ZC3H12D: variants seen among roughly 807,000 people sequenced by gnomAD.
ZC3H12D encodes the protein zinc finger CCCH-type containing 12D.
In ZC3H12D, 11 loss-of-function variants were observed where a neutral mutation model predicts 24.2. The ratio of observed to expected loss-of-function variants is 0.46; its 90% CI spans 0.29 to 0.75. ZC3H12D has a LOEUF of 0.75. ZC3H12D is among the 30% of genes least tolerant of loss of function. The pLI, the probability that ZC3H12D is intolerant of heterozygous loss-of-function variation, is 0.11. For synonymous variants in ZC3H12D, 333 were observed against 341.8 expected, an observed-to-expected ratio of 0.97 and a Z score of 0.28; for missense variants, 740 against 767.7, an observed-to-expected ratio of 0.96 and a Z score of 0.43.
chr6:149,468,764 G>A (rs1035369751), intron 2 of ZC3H12D, among the ~76,000 whole-genome samples: 1 of 152,074 alleles, frequency 6.6e-6, no homozygotes, highest in Non-Finnish European at 1.5e-5. Context: ...ACAGAGTCAG[G>A]GTCTCAGAAG....
In ZC3H12D at chr6:149,448,485, G is replaced by A. The variant is rs1775825838; in HGVS notation, c.*2198C>T. On this transcript the variant is annotated 3_prime_UTR_variant, in exon 6 of 6. Coordinates refer to ENST00000409806, the MANE Select transcript of ZC3H12D (RefSeq NM_207360.3). ...TTGAGCCTGGGAAGTCAAAGCTGCA[G>A]TGAGCCCTGATTGCACTACTGCACT... is the stretch of plus-strand genomic sequence containing the variant. The A allele has an allele frequency of 6.6e-6, 1 of 152,140 alleles. No homozygotes were observed. Among genetic ancestry groups the A allele is most frequent in the African/African-American group, 2.4e-5 (1 of 41,416 alleles). 9.4% of individuals were successfully genotyped at this position (152,140 alleles called of 1,614,324 possible). A position where few individuals can be genotyped will look rare whatever the true frequency, so the allele number is the denominator to read the frequency against.
At chr6:149,468,518 GGAGGAA>G (rs1435616615) in intron 2 of ZC3H12D, among the ~76,000 whole-genome samples, 2 of 152,248 alleles carry the variant, frequency 1.3e-5, no homozygotes, top group Non-Finnish European at 2.9e-5. Flanking sequence ...GCTATGGGCA[GGAGGAA>G]AGAGAGGAGC....
chr6:149,453,560 G>A (rs1366886130), intron 4 of ZC3H12D, among the ~76,000 whole-genome samples: 2 of 152,008 alleles, frequency 1.3e-5, no homozygotes, highest in Non-Finnish European at 2.9e-5. Flanking sequence ...CCCGGGAGGC[G>A]AAGGTTGCAG....
intron 3 of ZC3H12D, among the ~76,000 whole-genome samples, chr6:149,458,128 C>CTT (rs1189920889): frequency 0.025 from 999 of 39,786 alleles, 148 homozygotes; most frequent in East Asian, 0.068. Context: ...TTTTTCGTTT[C>CTT]TTTTTTTTTT....
Position 149,465,455 on chromosome 6 carries a change from G to A in ZC3H12D, c.306-3485C>T, listed in dbSNP as rs561372917. ...AGAAAATATCAACAGGGATATCTGT[G>A]GTCAAAAGGAAGAGGAAGGCCGGGT... On this transcript the variant is annotated intron_variant, in intron 2 of 5. Coordinates refer to ENST00000409806, the MANE Select transcript of ZC3H12D (RefSeq NM_207360.3). Among the ~76,000 whole-genome samples, 286 of 151,410 alleles carry A rather than the reference G, an allele frequency of 1.9e-3. 1 individual carries two copies. The highest frequency in any genetic ancestry group is 6.1e-3 in the Admixed American group (92 of 15,162).
At chr6:149,472,135 T>G (rs1338476126) in intron 2 of ZC3H12D, among the ~76,000 whole-genome samples, 1 of 152,074 alleles carries the variant, frequency 6.6e-6, no homozygotes, top group Non-Finnish European at 1.5e-5. Flanking sequence ...GGGACATGAG[T>G]CCTGTTAAAA....
Position 149,451,022 on chromosome 6 carries a change from G to A in ZC3H12D, c.1245C>T (p.Gly415=). ...PPPGLQLQPR[G]EHRPRDLHGD... is the part of the protein sequence containing the mutation. The stretch of plus-strand genomic sequence containing the variant: ...CGTGCAGGTCCCTAGGGCGGTGTTC[G>A]CCCCGCGGCTGGAGCTGCAGGCCGG... Residue 415 remains glycine (G), a synonymous_variant, in exon 6 of 6, where the codon GGC becomes GGT. Transcript: ENST00000409806. 1 of 1,446,866 alleles carries A rather than the reference G, an allele frequency of 6.9e-7. No individual in the cohort carries two copies. The highest frequency in any genetic ancestry group is 9.0e-7 in the Non-Finnish European group (1 of 1,106,014). 89.6% of individuals were successfully genotyped at this position (1,446,866 alleles called of 1,614,324 possible). A position where few individuals can be genotyped will look rare whatever the true frequency, so the allele number is the denominator to read the frequency against.
rs79459204 is a variant in ZC3H12D, at chr6:149,460,530, T to A, written c.445+1301A>T. On this transcript the variant is annotated intron_variant, in intron 3 of 5. Coordinates refer to ENST00000409806, the MANE Select transcript of ZC3H12D (RefSeq NM_207360.3). The stretch of plus-strand genomic sequence containing the variant: ...GAGCAACATGGTGAAACCCCATCTC[T>A]ACAAAAAACAAAAACTAGCTAGGGC... 3.4e-3 allele frequency among the ~76,000 whole-genome samples: 510 copies of A among 152,098 alleles called. 26 individuals carry two copies. The East Asian group carries it at 0.076, about 23-fold the overall frequency.
rs371523450 is a variant in ZC3H12D, at chr6:149,456,941, G to T, written c.446-41C>A. 120 of 1,569,680 alleles carry T rather than the reference G, an allele frequency of 7.6e-5. No homozygotes were observed. The African/African-American group carries it at 1.5e-3, about 20-fold the overall frequency. The stretch of plus-strand genomic sequence containing the variant: ...CGGAGACGCGGGTGAGGGCCCAAGG[G>T]CACCGCCCCTGAGAACCACCCCCAA... On this transcript the variant is annotated intron_variant, in intron 3 of 5. Coordinates refer to ENST00000409806, the MANE Select transcript of ZC3H12D (RefSeq NM_207360.3). This position sits in a 1 kb window ranked among gnomAD's most constrained non-coding sequence, Gnocchi z 4.3.
chr6:149,455,470 G>T (rs1158242133), intron 4 of ZC3H12D, among the ~76,000 whole-genome samples: 1 of 152,204 alleles, frequency 6.6e-6, no homozygotes, highest in Non-Finnish European at 1.5e-5. Flanking sequence ...GAACAGAAAT[G>T]GAAATGGGAG....
intron 4 of ZC3H12D, among the ~76,000 whole-genome samples, chr6:149,455,084 T>C (rs923150488): frequency 1.3e-5 from 2 of 152,162 alleles, no homozygotes; most frequent in African/African-American, 4.8e-5. Context: ...CTCAGAGAGG[T>C]TGAGTGGTTC....
chr6:149,474,608 C>T lies in ZC3H12D; in HGVS notation c.-65G>A. 2.2e-6 allele frequency: 3 copies of T among 1,360,706 alleles called. No homozygotes were observed. Among genetic ancestry groups the T allele is most frequent in the Non-Finnish European group, 2.9e-6 (3 of 1,037,790 alleles). 84.3% of individuals were successfully genotyped at this position (1,360,706 alleles called of 1,614,324 possible). ...CTTCCTCCTCTCAGAGCCCTGCAGACATGAGCTAAAGAGAAAAAAAATGCA... is the reference window on the plus strand; with the variant it reads ...CTTCCTCCTCTCAGAGCCCTGCAGATATGAGCTAAAGAGAAAAAAAATGCA... On this transcript the variant is annotated 5_prime_UTR_variant, in exon 2 of 6. It removes an upstream start codon present in the reference 5' UTR. Coordinates refer to ENST00000409806, the MANE Select transcript of ZC3H12D (RefSeq NM_207360.3).
At chr6:149,460,457 A>AG (rs1409350595) in intron 3 of ZC3H12D, among the ~76,000 whole-genome samples, 1 of 152,216 alleles carries the variant, frequency 6.6e-6, no homozygotes, top group African/African-American at 2.4e-5. Context: ...GCACTTTGGG[A>AG]GGCCAAGGCA....
In ZC3H12D at chr6:149,482,535, G is replaced by T. The variant is rs909257821; in HGVS notation, c.-71+2278C>A. Among the ~76,000 whole-genome samples the T allele has an allele frequency of 2.6e-5, 4 of 152,198 alleles. No individual in the cohort carries two copies. The East Asian group carries it at 5.8e-4, about 22-fold the overall frequency. ...CTTCCTGTTGTCAGAGCGGGCTGCTGGGGGTGGGTTCGGGGCGGCCTGGAA... is the reference window on the plus strand; with the variant it reads ...CTTCCTGTTGTCAGAGCGGGCTGCTTGGGGTGGGTTCGGGGCGGCCTGGAA... On this transcript the variant is annotated intron_variant, in intron 1 of 5. Coordinates refer to ENST00000409806, the MANE Select transcript of ZC3H12D (RefSeq NM_207360.3).
Position 149,459,510 on chromosome 6 carries a change from G to T in ZC3H12D, c.445+2321C>A, listed in dbSNP as rs973736099. On this transcript the variant is annotated intron_variant, in intron 3 of 5. Transcript: ENST00000409806. ...GGAACCACAGCCCAGAATATGCGCA[G>T]AAGGCTGGAGTGGAGGTGGGAGCCA... 1.1e-5 allele frequency: 8 copies of T among 704,720 alleles called. No homozygotes were observed. In the African/African-American group the frequency reaches 1.2e-4, roughly 11 times the overall value. The allele number at this position is 704,720 out of a possible 1,614,324, so 43.7% of individuals were successfully genotyped here. A position where few individuals can be genotyped will look rare whatever the true frequency, so the allele number is the denominator to read the frequency against.
intron 2 of ZC3H12D, among the ~76,000 whole-genome samples, chr6:149,473,397 A>G (rs438852): frequency 0.67 from 101,720 of 152,164 alleles, 36,030 homozygotes; most frequent in African/African-American, 0.91. Flanking sequence ...GGAGTGAACC[A>G]TTTCCTATGG....
intron 2 of ZC3H12D, among the ~76,000 whole-genome samples, chr6:149,470,136 A>G (rs2115009916): frequency 6.6e-6 from 1 of 152,286 alleles, no homozygotes; most frequent in Middle Eastern, 3.4e-3. Context: ...AGGTGGGTGG[A>G]TCACTTGAGG....
intron 2 of ZC3H12D, among the ~76,000 whole-genome samples, chr6:149,466,586 C>T (rs1776166323): frequency 6.6e-6 from 1 of 151,830 alleles, no homozygotes. Flanking sequence ...TATTTTAAAA[C>T]TTGTTTCTTG....
In ZC3H12D at chr6:149,456,503, G is replaced by A. The variant is rs1315859614; in HGVS notation, c.680+163C>T. ...CAGAGCAAAGCAGCCCACCTATTGG[G>A]GACGTGCCCGCCGAGAATGCGGACC... On this transcript the variant is annotated intron_variant, in intron 4 of 5. Coordinates refer to ENST00000409806, the MANE Select transcript of ZC3H12D (RefSeq NM_207360.3). The surrounding 1 kb of genome is among the most constrained non-coding windows in gnomAD (Gnocchi z 4.3). 1.3e-5 allele frequency among the ~76,000 whole-genome samples: 2 copies of A among 152,092 alleles called. No individual in the cohort carries two copies. Among genetic ancestry groups the A allele is most frequent in the Non-Finnish European group, 2.9e-5 (2 of 67,996 alleles).
Sources: gnomAD v4.1 joint callset for allele counts (sites outside exome capture counted in the v4.1 genomes callset) on GRCh38, gnomAD v4.1.1 for gene constraint, Gnocchi (gnomAD v3.1) non-coding constraint, MANE v1.5 for transcripts, NCBI Gene and HGNC (gene_info 2026-07-23, HGNC 2026-07-21) for gene names.